Variants in P4HA1 observed in about 807,000 individuals in gnomAD.
P4HA1 encodes prolyl 4-hydroxylase subunit alpha-1.
Under a neutral mutation model 72.8 loss-of-function variants are expected in P4HA1, and 24 were observed. The observed-to-expected ratio is 0.33, with a 90% confidence interval of 0.24 to 0.46. The LOEUF (loss-of-function observed/expected upper bound fraction) is 0.46. Ranked by LOEUF, P4HA1 falls within the 20% of genes least tolerant of loss-of-function variation. The pLI is 1.00. For synonymous variants in P4HA1, 201 were observed against 218.8 expected, an observed-to-expected ratio of 0.92 and a Z score of 0.72; for missense variants, 446 against 640.6, an observed-to-expected ratio of 0.70 and a Z score of 3.28.
At chr10:73,035,927 G>A (rs540925045) in intron 9 of P4HA1, among the ~76,000 whole-genome samples, 5 of 152,066 alleles carry the variant, frequency 3.3e-5, no homozygotes, top group East Asian at 1.9e-4. Context: ...AGTGGCTCAC[G>A]CCTGTAATCC....
intron 4 of P4HA1, among the ~76,000 whole-genome samples, chr10:73,070,793 G>A (rs186242226): frequency 6.6e-6 from 1 of 152,082 alleles, no homozygotes; most frequent in Non-Finnish European, 1.5e-5. Context: ...ATTATAGAAT[G>A]ACTACTACAG....
chr10:73,016,918 G>A lies in P4HA1; in HGVS notation c.1249-19C>T. On this transcript the variant is annotated intron_variant, in intron 10 of 14. Transcript: ENST00000394890. ...TTGCTACCTGAAGGAAAGACACAAAGCATGAAAGAAAAGAACTATAAAGAT... is the reference window on the plus strand; with the variant it reads ...TTGCTACCTGAAGGAAAGACACAAAACATGAAAGAAAAGAACTATAAAGAT... 1.3e-6 allele frequency: 2 copies of A among 1,599,390 alleles called. No individual in the cohort carries two copies. The highest frequency in any genetic ancestry group is 1.7e-6 in the Non-Finnish European group (2 of 1,168,556).
chr10:73,018,239 G>T (rs914679792), intron 10 of P4HA1, among the ~76,000 whole-genome samples: 2 of 152,110 alleles, frequency 1.3e-5, no homozygotes, highest in Admixed American at 6.6e-5. Flanking sequence ...GGGCCACCCA[G>T]AACAGTCACG....
intron 11 of P4HA1, among the ~76,000 whole-genome samples, chr10:73,014,734 G>T (rs1197771230): frequency 6.6e-6 from 1 of 152,054 alleles, no homozygotes; most frequent in Admixed American, 6.5e-5. Flanking sequence ...TGACTTGACA[G>T]CCATCTCTTA....
intron 7 of P4HA1, 53 bp downstream of exon 7, chr10:73,051,000 C>T: frequency 8.0e-7 from 1 of 1,257,098 alleles, no homozygotes. Flanking sequence ...GAACTGTGTA[C>T]AAACACATAC....
In P4HA1 at chr10:73,008,141, ACTC is replaced by A. The variant is rs1333894171; in HGVS notation, c.*78_*80del. On this transcript the variant is annotated 3_prime_UTR_variant, in exon 15 of 15. Coordinates refer to ENST00000394890, the MANE Select transcript of P4HA1 (RefSeq NM_001017962.3). ...ATCATGGAGTGTTAGTCAATTGTAA[ACTC>A]CTGAAAGTTAAGACTAGGAAATGTG... 1.7e-5 allele frequency: 14 copies of A among 820,378 alleles called. No individual in the cohort carries two copies. The highest frequency in any genetic ancestry group is 2.7e-5 in the Non-Finnish European group (13 of 483,512). The allele number at this position is 820,378 out of a possible 1,614,324, so 50.8% of individuals were successfully genotyped here.
At chr10:73,065,151 T>C (rs1422431209) in intron 5 of P4HA1, 1 of 152,080 alleles carries the variant, frequency 6.6e-6, no homozygotes, top group Non-Finnish European at 1.5e-5. Context: ...AGGGTGAACA[T>C]TCAACTTCCA....
chr10:73,076,443 AC>A (rs1246232372), intron 1 of P4HA1, among the ~76,000 whole-genome samples: 1 of 151,476 alleles, frequency 6.6e-6, no homozygotes, highest in Non-Finnish European at 1.5e-5. Context: ...CTCTCAAAGG[AC>A]CCAGACTTCA....
chr10:73,044,312 T>C (rs567527960), intron 9 of P4HA1, among the ~76,000 whole-genome samples: 3 of 152,304 alleles, frequency 2.0e-5, no homozygotes, highest in African/African-American at 7.2e-5. Flanking sequence ...GTAGACTCCT[T>C]AAATTCATTT....
intron 9 of P4HA1, 95 bp from the exon 10 acceptor site, chr10:73,030,465 G>A: frequency 1.9e-6 from 1 of 519,018 alleles, no homozygotes; most frequent in South Asian, 5.4e-5. Flanking sequence ...TAATATATAG[G>A]ACAATAAACC....
At chr10:73,088,200 C>A (rs923448277) in intron 1 of P4HA1, among the ~76,000 whole-genome samples, 1 of 152,250 alleles carries the variant, frequency 6.6e-6, no homozygotes. Flanking sequence ...GCCTACGAAC[C>A]ATTTTGAACT....
intron 1 of P4HA1, among the ~76,000 whole-genome samples, chr10:73,093,195 G>A (rs1378347873): frequency 1.3e-5 from 2 of 151,408 alleles, no homozygotes; most frequent in African/African-American, 4.8e-5. Context: ...AGAAAGAAAT[G>A]AGTAATATGG....
At chr10:73,021,651 G>A (rs994019038) in intron 10 of P4HA1, among the ~76,000 whole-genome samples, 2 of 152,214 alleles carry the variant, frequency 1.3e-5, no homozygotes, top group Non-Finnish European at 2.9e-5. Flanking sequence ...GACAGTGGGT[G>A]CAGACCATAG....
At chr10:73,015,877 G>T (rs866196126) in intron 11 of P4HA1, among the ~76,000 whole-genome samples, 64 of 144,940 alleles carry the variant, frequency 4.4e-4, no homozygotes, top group Non-Finnish European at 6.7e-4. Flanking sequence ...TAGGTGTTTG[G>T]TTTTTTTTTT....
intron 6 of P4HA1, 105 bp downstream of exon 6, chr10:73,053,246 T>C (rs1841059455): frequency 1.0e-5 from 12 of 1,172,244 alleles, no homozygotes; most frequent in Non-Finnish European, 1.5e-5. Flanking sequence ...TCCTGACTTC[T>C]AAAAAGTAAG....
intron 10 of P4HA1, 109 bp downstream of exon 10, chr10:73,030,162 G>C: frequency 2.2e-6 from 1 of 461,076 alleles, no homozygotes; most frequent in Non-Finnish European, 3.8e-6. Flanking sequence ...CACTTTTTAA[G>C]GTCCCAAACT....
chr10:73,074,070 A>T (rs1841633037), intron 2 of P4HA1: 2 of 447,402 alleles, frequency 4.5e-6, no homozygotes, highest in Admixed American at 4.0e-5. Flanking sequence ...CTGTGCTAGC[A>T]AATTGTCTTT....
rs1841487487 is a variant in P4HA1 at position 73,068,974 on chromosome 10, G to C, written c.335C>G (p.Ser112Cys). ...VLKDMSDGFI[S>C]NLTIQRQYFP... ...GTACTGTCTCTGAATGGTTAGGTTA[G>C]AGATAAAGCCTTGAAATAGATAAAT... Residue 112 changes from serine (S) to cysteine (C), a missense_variant, in exon 5 of 15, where the codon TCT (serine) becomes TGT (cysteine). Coordinates refer to ENST00000394890, the MANE Select transcript of P4HA1 (RefSeq NM_001017962.3). 6.2e-7 allele frequency: 1 copy of C among 1,611,066 alleles called. No homozygotes were observed. The highest frequency in any genetic ancestry group is 2.2e-5 in the East Asian group (1 of 44,798).
At chr10:73,055,462 C>T (rs1285483262) in intron 5 of P4HA1, among the ~76,000 whole-genome samples, 3 of 152,196 alleles carry the variant, frequency 2.0e-5, no homozygotes, top group Non-Finnish European at 4.4e-5. Context: ...CTTCAGCCTC[C>T]CAAACTGCTG....
Sources: gnomAD v4.1 joint callset for allele counts (sites outside exome capture counted in the v4.1 genomes callset) on GRCh38, gnomAD v4.1.1 for gene constraint, MANE v1.5 for transcripts, NCBI Gene and HGNC (gene_info 2026-07-23, HGNC 2026-07-21) for gene names.